The following CACNA1E variants were observed in gnomAD, a reference collection of about 807,000 sequenced individuals.
The protein encoded by CACNA1E is calcium voltage-gated channel subunit alpha1 E, also known as voltage-dependent R-type calcium channel subunit alpha-1E.
Under a neutral mutation model 259.2 loss-of-function variants are expected in CACNA1E, and 40 were observed. The observed-to-expected ratio is 0.15, with a 90% CI of 0.12 to 0.20. CACNA1E has a LOEUF of 0.20. Ranked by LOEUF, CACNA1E falls within the 10% of genes least tolerant of loss-of-function variation. The probability of loss-of-function intolerance (pLI) is 1.00; values close to 1 mark genes in which losing one functional copy is unlikely to be tolerated. For missense variants in CACNA1E, 1,874 were observed against 3,040.1 expected (o/e 0.62, Z 9.02); for synonymous variants, 1,104 against 1,138.5 (o/e 0.97, Z 0.61).
At chr1:181,687,867 T>C (rs1650740225) in intron 7 of CACNA1E, among the ~76,000 whole-genome samples, 1 of 152,214 alleles carries the variant, frequency 6.6e-6, no homozygotes, top group Admixed American at 6.5e-5. Context: ...TCACATAGAA[T>C]ATGCCAGAGT....
intron 25 of CACNA1E, 91 bp from the exon 26 acceptor site, chr1:181,750,385 T>TCTGA: frequency 1.8e-6 from 2 of 1,119,448 alleles, no homozygotes; most frequent in Admixed American, 1.9e-5. Context: ...CCTGAAGTGT[T>TCTGA]CTGACTGTCT....
intron 22 of CACNA1E, 37 bp downstream of exon 22, chr1:181,736,471 G>A (rs747147076): frequency 4.4e-6 from 7 of 1,585,576 alleles, no homozygotes; most frequent in Non-Finnish European, 2.6e-6. Context: ...TTTAGTGCTA[G>A]GGTAAACGGC....
At chr1:181,611,961 T>G (rs1051129161) in intron 6 of CACNA1E, among the ~76,000 whole-genome samples, 8 of 152,134 alleles carry the variant, frequency 5.3e-5, no homozygotes, top group African/African-American at 1.9e-4. Flanking sequence ...AAAGATATTC[T>G]CTAAAAAAAC....
chr1:181,733,381 C>T, intron 20 of CACNA1E, 56 bp from the exon 21 acceptor site: 1 of 1,423,310 alleles, frequency 7.0e-7, no homozygotes. Flanking sequence ...GCCAGGCACA[C>T]CTGCCATTTG....
At chr1:181,481,240 G>A (rs1663209431), upstream of CACNA1E, among the ~76,000 whole-genome samples, 1 of 152,050 alleles carries the variant, frequency 6.6e-6, no homozygotes, top group Non-Finnish European at 1.5e-5. Flanking sequence ...ACCTGAAATG[G>A]GCTCCCCTGA....
At chr1:181,542,094 C>T (rs1184343700) in intron 3 of CACNA1E, among the ~76,000 whole-genome samples, 2 of 152,128 alleles carry the variant, frequency 1.3e-5, no homozygotes, top group Non-Finnish European at 2.9e-5. Context: ...ACTGGAGACT[C>T]CTGCCAAAGC....
chr1:181,642,028 A>G (rs562469332), intron 6 of CACNA1E, among the ~76,000 whole-genome samples: 19 of 152,198 alleles, frequency 1.2e-4, no homozygotes, highest in African/African-American at 4.6e-4. Flanking sequence ...AACACTAATT[A>G]TATACAAAAT....
At chr1:181,577,169 TAGGA>T (rs1327332536) in intron 3 of CACNA1E, among the ~76,000 whole-genome samples, 1 of 152,166 alleles carries the variant, frequency 6.6e-6, no homozygotes, top group African/African-American at 2.4e-5. Context: ...CATGGAAAAA[TAGGA>T]AGAAATCCAA....
At chr1:181,639,922 G>T (rs142155462) in intron 6 of CACNA1E, among the ~76,000 whole-genome samples, 14 of 152,298 alleles carry the variant, frequency 9.2e-5, no homozygotes, top group African/African-American at 2.6e-4. Flanking sequence ...GAACCTGAGA[G>T]TTAGAGTCCA....
At chr1:181,787,988 CAT>C (rs1660988445) in intron 43 of CACNA1E, among the ~76,000 whole-genome samples, 1 of 152,180 alleles carries the variant, frequency 6.6e-6, no homozygotes, top group African/African-American at 2.4e-5. Context: ...GCATCAGAAT[CAT>C]GTGATCAGAT....
intron 1 of CACNA1E, among the ~76,000 whole-genome samples, chr1:181,324,376 C>G (rs2102571247): frequency 6.6e-6 from 1 of 152,120 alleles, no homozygotes; most frequent in East Asian, 1.9e-4. Flanking sequence ...GATATTTAAG[C>G]CGAAGATCAG....
intron 6 of CACNA1E, among the ~76,000 whole-genome samples, chr1:181,648,475 G>A (rs1658482032): frequency 6.6e-6 from 1 of 152,190 alleles, no homozygotes; most frequent in Non-Finnish European, 1.5e-5. Context: ...CTCTGAAAAT[G>A]AGGGTTTCAC....
intron 1 of CACNA1E, among the ~76,000 whole-genome samples, chr1:181,324,212 A>G (rs1324076901): frequency 1.3e-5 from 2 of 152,224 alleles, no homozygotes; most frequent in Non-Finnish European, 2.9e-5. Flanking sequence ...AATTTATATT[A>G]TATTGTAGGA....
At chr1:181,797,426 A>G (rs1386689317) in intron 47 of CACNA1E, among the ~76,000 whole-genome samples, 1 of 152,222 alleles carries the variant, frequency 6.6e-6, no homozygotes, top group Non-Finnish European at 1.5e-5. Context: ...ATTTTGACCC[A>G]TAATAGGAGA....
chr1:181,359,397 C>T (rs1653695203), intron 1 of CACNA1E, among the ~76,000 whole-genome samples: 1 of 151,986 alleles, frequency 6.6e-6, no homozygotes, highest in Non-Finnish European at 1.5e-5. Flanking sequence ...TTTTAGTGTA[C>T]AAGGTGAGAA....
intron 1 of CACNA1E, among the ~76,000 whole-genome samples, chr1:181,376,315 G>A (rs1655095205): frequency 6.6e-6 from 1 of 152,344 alleles, no homozygotes; most frequent in Admixed American, 6.5e-5. Flanking sequence ...TACCCACCCA[G>A]GAAGGTAAGC....
intron 3 of CACNA1E, among the ~76,000 whole-genome samples, chr1:181,570,738 A>G (rs896103329): frequency 1.3e-5 from 2 of 152,122 alleles, no homozygotes; most frequent in Admixed American, 6.5e-5. Flanking sequence ...CTCTCTCTCT[A>G]GTCAATCTTC....
intron 10 of CACNA1E, among the ~76,000 whole-genome samples, 167 bp downstream of exon 10, chr1:181,716,296 T>TAAA (rs35884110): frequency 5.7e-5 from 8 of 141,010 alleles, no homozygotes; most frequent in African/African-American, 2.1e-4. Context: ...ATGATTTATT[T>TAAA]AAAAAAAAAA....
At chr1:181,587,886 A>G (rs35106981) in intron 6 of CACNA1E, among the ~76,000 whole-genome samples, 4,991 of 152,278 alleles carry the variant, frequency 0.033, 108 homozygotes, top group Non-Finnish European at 0.048. Context: ...CCGTCTCAAG[A>G]AAAAAAGAAA....
Sources: allele counts gnomAD v4.1 joint callset (sites outside exome capture counted in the v4.1 genomes callset), GRCh38; gene constraint gnomAD v4.1.1; transcripts MANE v1.5; gene names NCBI Gene and HGNC (gene_info 2026-07-23, HGNC 2026-07-21).